DMD: variants seen among roughly 807,000 people sequenced by gnomAD.
The protein encoded by DMD is mutant dystrophin.
In DMD, 63 loss-of-function variants were observed where a neutral mutation model predicts 330.1. The ratio of observed to expected loss-of-function variants is 0.19; its 90% CI spans 0.16 to 0.24. The LOEUF is 0.24. DMD is among the 10% of genes least tolerant of loss of function. The pLI is 1.00. For missense variants in DMD, 3,344 were observed against 2,684.1 expected, an observed-to-expected ratio of 1.25 and a Z score of -5.43; for synonymous variants, 1,223 against 959.8, an observed-to-expected ratio of 1.27 and a Z score of -5.07.
chrX:33,257,919 G>A (rs2052884758), intron 1 of DMD, among the ~76,000 whole-genome samples: 1 of 110,594 alleles, frequency 9.0e-6, no homozygotes, highest in African/African-American at 3.3e-5. Flanking sequence ...GCTCTCAGTT[G>A]CACAAAAGAT....
At chrX:31,627,214 G>A (rs2078896521) in intron 55 of DMD, among the ~76,000 whole-genome samples, 1 of 112,779 alleles carries the variant, frequency 8.9e-6, no homozygotes, top group Non-Finnish European at 1.9e-5. Context: ...TAGGAAGAAA[G>A]CTACAAAATG....
At chrX:32,157,083 C>T (rs1016040735) in intron 44 of DMD, among the ~76,000 whole-genome samples, 2 of 112,205 alleles carry the variant, frequency 1.8e-5, no homozygotes, top group Non-Finnish European at 3.8e-5. Flanking sequence ...TTATGATGTG[C>T]TTGTTTAATA....
intron 60 of DMD, among the ~76,000 whole-genome samples, chrX:31,390,048 T>C (rs1204358863): frequency 9.0e-6 from 1 of 111,577 alleles, no homozygotes; most frequent in Non-Finnish European, 1.9e-5. Flanking sequence ...AAATCACTGC[T>C]TTCTGATCAA....
chrX:32,447,073 T>C (rs917431237), intron 27 of DMD, among the ~76,000 whole-genome samples: 2 of 110,807 alleles, frequency 1.8e-5, no homozygotes, highest in African/African-American at 3.3e-5. Flanking sequence ...ACATGAATAA[T>C]AGGGAACAAT....
At chrX:31,541,351 T>A (rs76691734) in intron 55 of DMD, among the ~76,000 whole-genome samples, 14 of 111,413 alleles carry the variant, frequency 1.3e-4, no homozygotes, top group East Asian at 2.8e-4. Context: ...CTTTTTTTTT[T>A]ATTATACTTT....
At chrX:32,661,228 A>T (rs2060923926) in intron 9 of DMD, among the ~76,000 whole-genome samples, 1 of 111,447 alleles carries the variant, frequency 9.0e-6, no homozygotes, top group Admixed American at 9.6e-5. Flanking sequence ...GCTTTAAATT[A>T]TAATGCTGTC....
intron 29 of DMD, among the ~76,000 whole-genome samples, chrX:32,419,064 G>A (rs776998866): frequency 9.3e-6 from 1 of 107,876 alleles, no homozygotes; most frequent in African/African-American, 3.4e-5. Flanking sequence ...GATTAGATAG[G>A]AACACTTTAT....
chrX:31,696,714 G>A lies in DMD; in HGVS notation c.7661-17128C>T, dbSNP rs148475467. Among the ~76,000 whole-genome samples the A allele has an allele frequency of 7.9e-3, 882 of 112,006 alleles. 6 individuals carry two copies. The highest frequency in any genetic ancestry group is 0.027 in the African/African-American group (834 of 30,934). On this transcript the variant is annotated intron_variant, in intron 52 of 78. Coordinates refer to ENST00000357033, the MANE Select transcript of DMD (RefSeq NM_004006.3). Reference sequence around the variant, plus strand: ...TCATCTTTTTTAAAAAAGGTGTCACGTGTGAAATATGTGTCATTTTGGCTG... The same window carrying A: ...TCATCTTTTTTAAAAAAGGTGTCACATGTGAAATATGTGTCATTTTGGCTG...
chrX:32,825,480 T>TA (rs975940319), intron 4 of DMD, among the ~76,000 whole-genome samples: 6 of 111,555 alleles, frequency 5.4e-5, no homozygotes, highest in Non-Finnish European at 9.4e-5. Flanking sequence ...GGTCACATAA[T>TA]AAAAAAGTAT....
chrX:32,432,079 C>A (rs185874830), intron 29 of DMD, among the ~76,000 whole-genome samples: 6 of 112,036 alleles, frequency 5.4e-5, no homozygotes, highest in Non-Finnish European at 1.1e-4. Flanking sequence ...GAGTTCCTCA[C>A]CTTACAAGAA....
chrX:32,754,370 CT>C (rs1393540764), intron 7 of DMD, among the ~76,000 whole-genome samples: 5 of 110,104 alleles, frequency 4.5e-5, no homozygotes, highest in Non-Finnish European at 7.6e-5. Context: ...AGATCTCAGA[CT>C]TTTACCACTC....
chrX:31,968,664 G>A, intron 44 of DMD, 150 bp from the exon 45 acceptor site: 1 of 605,761 alleles, frequency 1.7e-6, no homozygotes, highest in Non-Finnish European at 2.6e-6. Flanking sequence ...AAACTGACAT[G>A]CCCATATCCA....
chrX:32,006,032 G>C (rs1250126320), intron 44 of DMD, among the ~76,000 whole-genome samples: 2 of 111,264 alleles, frequency 1.8e-5, no homozygotes, highest in Non-Finnish European at 3.8e-5. Context: ...GGTGGGTGGG[G>C]TGCAGGTGGT....
At chrX:32,026,442 G>A (rs920291614) in intron 44 of DMD, among the ~76,000 whole-genome samples, 4 of 112,101 alleles carry the variant, frequency 3.6e-5, no homozygotes, top group African/African-American at 1.3e-4. Flanking sequence ...GGCAAACTTA[G>A]ACATTTAAAT....
chrX:32,364,718 G>A lies in DMD; in HGVS notation c.5026-8C>T, dbSNP rs1057520973. The A allele has an allele frequency of 3.3e-6, 4 of 1,203,876 alleles. No individual in the cohort carries two copies. The highest frequency in any genetic ancestry group is 2.3e-4 in the Middle Eastern group (1 of 4,353). ...CATGTGTTTCTGGTATTCCTTAATT[G>A]TACAGAGACATACCATGGCATTATT... On this transcript the variant is annotated splice_region_variant and splice_polypyrimidine_tract_variant and intron_variant, in intron 35 of 78. Coordinates refer to ENST00000357033, the MANE Select transcript of DMD (RefSeq NM_004006.3).
intron 47 of DMD, among the ~76,000 whole-genome samples, chrX:31,903,863 T>A (rs1327234717): frequency 8.9e-6 from 1 of 111,858 alleles, no homozygotes; most frequent in Non-Finnish European, 1.9e-5. Flanking sequence ...AATGAGAGCA[T>A]AAAAATTACG....
chrX:33,300,159 C>CT (rs1415691007), intron 1 of DMD, among the ~76,000 whole-genome samples: 2 of 112,120 alleles, frequency 1.8e-5, no homozygotes, highest in African/African-American at 6.5e-5. Context: ...TTTATCATTG[C>CT]TTTTTTGTGG....
chrX:32,712,323 C>T (rs1206604111), intron 7 of DMD, among the ~76,000 whole-genome samples: 1 of 111,404 alleles, frequency 9.0e-6, no homozygotes, highest in Non-Finnish European at 1.9e-5. Flanking sequence ...ATGAAAAATA[C>T]TGGAGCTACT....
At chrX:33,127,311 G>T (rs900648727) in intron 1 of DMD, among the ~76,000 whole-genome samples, 2 of 110,636 alleles carry the variant, frequency 1.8e-5, no homozygotes, top group African/African-American at 6.5e-5. Flanking sequence ...ATTGGCAACA[G>T]AATATATGCT....
Sources: gnomAD v4.1 joint callset for allele counts (sites outside exome capture counted in the v4.1 genomes callset) on GRCh38, gnomAD v4.1.1 for gene constraint, MANE v1.5 for transcripts, NCBI Gene and HGNC (gene_info 2026-07-23, HGNC 2026-07-21) for gene names.